Variants in ADCY2 observed in about 807,000 individuals in gnomAD.
ADCY2 encodes the protein adenylate cyclase 2.
In ADCY2, 31 loss-of-function variants were observed where a neutral mutation model predicts 125.2. The ratio of observed to expected loss-of-function variants is 0.25; its 90% CI spans 0.19 to 0.33. The LOEUF (loss-of-function observed/expected upper bound fraction) is 0.33, where lower values mean the gene tolerates loss of function less well. ADCY2 is among the 10% of genes least tolerant of loss of function. The pLI is 1.00. For missense variants in ADCY2, 904 were observed against 1,418.2 expected, an observed-to-expected ratio of 0.64 and a Z score of 5.82; for synonymous variants, 512 against 548.4, an observed-to-expected ratio of 0.93 and a Z score of 0.93.
intron 3 of ADCY2, among the ~76,000 whole-genome samples, chr5:7,532,424 T>A (rs926324574): frequency 2.0e-5 from 3 of 152,220 alleles, no homozygotes; most frequent in African/African-American, 4.8e-5. Flanking sequence ...CAAGTAGATT[T>A]CCACTTTACA....
chr5:7,823,209 G>A (rs1745358093), intron 24 of ADCY2, among the ~76,000 whole-genome samples: 1 of 152,212 alleles, frequency 6.6e-6, no homozygotes, highest in Non-Finnish European at 1.5e-5. Flanking sequence ...TACAAAGTAA[G>A]TAAAAGTCCA....
chr5:7,572,412 A>T (rs1042140534), intron 3 of ADCY2, among the ~76,000 whole-genome samples: 5 of 151,600 alleles, frequency 3.3e-5, no homozygotes, highest in Non-Finnish European at 5.9e-5. Flanking sequence ...AGTGATGTTG[A>T]GCTTTTTTTC....
intron 4 of ADCY2, among the ~76,000 whole-genome samples, chr5:7,628,588 G>C (rs997967093): frequency 6.6e-6 from 1 of 152,146 alleles, no homozygotes; most frequent in African/African-American, 2.4e-5. Flanking sequence ...TAAAGAAAGT[G>C]AGAAGGGACA....
intron 15 of ADCY2, among the ~76,000 whole-genome samples, chr5:7,748,345 C>T (rs941568094): frequency 2.0e-5 from 3 of 152,082 alleles, no homozygotes; most frequent in Non-Finnish European, 4.4e-5. Context: ...CTTTCTACAT[C>T]GGATGCTATT....
At chr5:7,541,029 C>T (rs1473291407) in intron 3 of ADCY2, among the ~76,000 whole-genome samples, 1 of 152,166 alleles carries the variant, frequency 6.6e-6, no homozygotes, top group East Asian at 1.9e-4. Flanking sequence ...TATAGTCAAC[C>T]CTCCTGACCA....
chr5:7,825,990 G>C (rs1441752197), intron 24 of ADCY2, among the ~76,000 whole-genome samples: 2 of 152,214 alleles, frequency 1.3e-5, no homozygotes, highest in Non-Finnish European at 2.9e-5. Flanking sequence ...GGAAATAAGT[G>C]GTCCTGTCAA....
At chr5:7,563,607 C>G (rs1735796523) in intron 3 of ADCY2, among the ~76,000 whole-genome samples, 1 of 152,100 alleles carries the variant, frequency 6.6e-6, no homozygotes, top group African/African-American at 2.4e-5. Context: ...CTTTGTATTA[C>G]CTAGACAAAA....
intron 3 of ADCY2, among the ~76,000 whole-genome samples, chr5:7,543,790 G>T (rs998317929): frequency 6.6e-6 from 1 of 151,884 alleles, no homozygotes; most frequent in African/African-American, 2.4e-5. Context: ...GAGGTGGGCG[G>T]ATCACAAGGT....
intron 4 of ADCY2, among the ~76,000 whole-genome samples, chr5:7,687,002 C>A (rs925137423): frequency 2.0e-5 from 3 of 152,166 alleles, no homozygotes; most frequent in Admixed American, 6.5e-5. Flanking sequence ...TATCTACCAT[C>A]CACCAGTGGT....
chr5:7,813,180 A>C (rs921509330), intron 22 of ADCY2, among the ~76,000 whole-genome samples: 4 of 152,220 alleles, frequency 2.6e-5, no homozygotes, highest in African/African-American at 7.2e-5. Flanking sequence ...AATGCTCCTT[A>C]GATAACAATC....
At position 7,712,915 on chromosome 5, in the gene ADCY2, A is replaced by G. The variant is rs748942548; in HGVS notation, c.1622+16A>G. On this transcript the variant is annotated intron_variant, in intron 11 of 24. Transcript: ENST00000338316. ...GCACCTTAAGGTATGGTATCTCTCT[A>G]TCTGATTTTTTAAAGCTTATTGCTC... is the stretch of plus-strand genomic sequence containing the variant. The G allele has an allele frequency of 8.7e-5, 137 of 1,579,170 alleles. No individual in the cohort carries two copies. The Admixed American group carries it at 8.8e-4, about 10-fold the overall frequency.
Position 7,693,410 on chromosome 5 carries a change from TTTG to T in ADCY2, c.870-2339_870-2337del, listed in dbSNP as rs1561170656. ...CTTGCATCACAATTGCCTGCTGTTT[TTTG>T]TTTTTTTTTTTTTTTTTTTTTTTGA... On this transcript the variant is annotated intron_variant, in intron 5 of 24. Coordinates refer to ENST00000338316, the MANE Select transcript of ADCY2 (RefSeq NM_020546.3). Among the ~76,000 whole-genome samples the T allele has an allele frequency of 3.4e-4, 23 of 68,444 alleles. 3 individuals are homozygous for T. The highest frequency in any genetic ancestry group is 7.3e-4 in the South Asian group (1 of 1,376). The allele number at this position is 68,444 out of a possible 152,430, so 44.9% of individuals were successfully genotyped here. A position where few individuals can be genotyped will look rare whatever the true frequency, so the allele number is the denominator to read the frequency against.
intron 3 of ADCY2, among the ~76,000 whole-genome samples, chr5:7,595,733 A>G (rs1271093684): frequency 6.6e-6 from 1 of 152,174 alleles, no homozygotes; most frequent in Non-Finnish European, 1.5e-5. Flanking sequence ...AAAATGGTGT[A>G]ATTTTTGCAT....
At chr5:7,419,636 C>G (rs1377807869) in intron 2 of ADCY2, among the ~76,000 whole-genome samples, 1 of 152,168 alleles carries the variant, frequency 6.6e-6, no homozygotes, top group Non-Finnish European at 1.5e-5. Flanking sequence ...CCATCATAAA[C>G]CACATTCAGA....
At position 7,590,285 on chromosome 5, in the gene ADCY2, T is replaced by C. The variant is rs1579606294; in HGVS notation, c.571-35882T>C. ...GGATTATTAATTGATATTGTAAATCTTTTAGTTTTGCCATCTAATTTCATT... is the reference window on the plus strand; with the variant it reads ...GGATTATTAATTGATATTGTAAATCCTTTAGTTTTGCCATCTAATTTCATT... On this transcript the variant is annotated intron_variant, in intron 3 of 24. Transcript: ENST00000338316. 2.0e-5 allele frequency among the ~76,000 whole-genome samples: 3 copies of C among 152,304 alleles called. No homozygotes were observed. The East Asian group carries it at 5.8e-4, about 29-fold the overall frequency.
chr5:7,810,638 T>C (rs1178015862), intron 22 of ADCY2, among the ~76,000 whole-genome samples: 1 of 152,000 alleles, frequency 6.6e-6, no homozygotes, highest in Non-Finnish European at 1.5e-5. Context: ...ATGAGTGGGT[T>C]ATCTACCTGA....
intron 14 of ADCY2, among the ~76,000 whole-genome samples, chr5:7,731,202 A>G (rs373129095): frequency 6.7e-6 from 1 of 149,296 alleles, no homozygotes; most frequent in African/African-American, 2.5e-5. Context: ...ACCTTTTTGT[A>G]TATATAATTT....
intron 2 of ADCY2, among the ~76,000 whole-genome samples, chr5:7,475,006 C>T (rs1454817985): frequency 2.0e-5 from 3 of 152,144 alleles, no homozygotes; most frequent in African/African-American, 4.8e-5. Context: ...TCCCGGGAGG[C>T]GTGGCTTTGG....
intron 14 of ADCY2, among the ~76,000 whole-genome samples, chr5:7,734,131 G>A (rs1248711658): frequency 3.9e-5 from 6 of 152,108 alleles, no homozygotes; most frequent in South Asian, 2.1e-4. Context: ...TGAATCCCAC[G>A]CAACAGATGT....
Sources: gnomAD v4.1 joint callset for allele counts (sites outside exome capture counted in the v4.1 genomes callset) on GRCh38, gnomAD v4.1.1 for gene constraint, MANE v1.5 for transcripts, NCBI Gene and HGNC (gene_info 2026-07-23, HGNC 2026-07-21) for gene names.